The following PSD3 variants were observed in gnomAD, a reference collection of about 807,000 sequenced individuals.
PSD3 encodes pleckstrin and Sec7 domain containing 3.
PSD3 carries 49 observed loss-of-function variants against 105.5 expected under a neutral mutation model. The observed-to-expected ratio is 0.46, with a 90% CI of 0.37 to 0.59. The LOEUF is 0.59. Among genes scored for constraint, PSD3 ranks in the 20% least tolerant of loss-of-function variants. The pLI, the probability that PSD3 is intolerant of heterozygous loss-of-function variation, is 0.00. For synonymous variants in PSD3, 557 were observed against 457.8 expected, an observed-to-expected ratio of 1.22 and a Z score of -2.77; for missense variants, 1,561 against 1,263.8, an observed-to-expected ratio of 1.24 and a Z score of -3.57.
At chr8:19,068,479 C>T (rs1258951554) in intron 1 of PSD3, among the ~76,000 whole-genome samples, 2 of 152,022 alleles carry the variant, frequency 1.3e-5, no homozygotes, top group Non-Finnish European at 1.5e-5. Flanking sequence ...TTTGTAGAGA[C>T]AAGGTTTCAC....
At chr8:18,907,515 G>A (rs1314086206) in intron 2 of PSD3, among the ~76,000 whole-genome samples, 1 of 152,050 alleles carries the variant, frequency 6.6e-6, no homozygotes, top group Non-Finnish European at 1.5e-5. Context: ...CCTTTTAAAT[G>A]TTTAGATATG....
At chr8:18,825,337 C>A (rs2129449832) in intron 4 of PSD3, among the ~76,000 whole-genome samples, 1 of 152,286 alleles carries the variant, frequency 6.6e-6, no homozygotes, top group Admixed American at 6.5e-5. Flanking sequence ...GTAAGAGTCA[C>A]CTGGGAAGCT....
chr8:19,084,391 C>G (rs571302431), exon 1 of PSD3: 1 of 456,254 alleles, frequency 2.2e-6, no homozygotes, highest in Admixed American at 2.3e-5. Context: ...CCATCTGCAG[C>G]GTGGACCAGG....
At chr8:18,695,702 T>C (rs1328278675) in intron 9 of PSD3, among the ~76,000 whole-genome samples, 1 of 152,330 alleles carries the variant, frequency 6.6e-6, no homozygotes, top group South Asian at 2.1e-4. Flanking sequence ...TATATACACA[T>C]ACCAGAAAAT....
chr8:18,675,357 AAGG>A (rs1247794729), intron 9 of PSD3, among the ~76,000 whole-genome samples: 1 of 152,212 alleles, frequency 6.6e-6, no homozygotes, highest in Non-Finnish European at 1.5e-5. Flanking sequence ...TGAGTGCAAG[AAGG>A]AGATTAGACT....
At chr8:19,009,954 A>C (rs895836378) in intron 1 of PSD3, among the ~76,000 whole-genome samples, 1 of 152,166 alleles carries the variant, frequency 6.6e-6, no homozygotes, top group African/African-American at 2.4e-5. Flanking sequence ...TTCTCAGAAG[A>C]CCCGTGTGAA....
intron 1 of PSD3, among the ~76,000 whole-genome samples, chr8:18,995,321 A>C (rs1388615436): frequency 6.6e-6 from 1 of 152,092 alleles, no homozygotes; most frequent in Non-Finnish European, 1.5e-5. Flanking sequence ...CTATCTAATT[A>C]CTAAACAAAA....
intron 9 of PSD3, among the ~76,000 whole-genome samples, chr8:18,731,084 T>C (rs1248324927): frequency 2.0e-5 from 3 of 146,740 alleles, no homozygotes; most frequent in African/African-American, 7.5e-5. Context: ...GGTAAAACCC[T>C]GTCTCTAATA....
chr8:18,754,644 T>C (rs1168248145), intron 9 of PSD3, among the ~76,000 whole-genome samples: 1 of 152,068 alleles, frequency 6.6e-6, no homozygotes, highest in Non-Finnish European at 1.5e-5. Flanking sequence ...AAAAACAGGA[T>C]CTAAATACAG....
intron 9 of PSD3, among the ~76,000 whole-genome samples, chr8:18,672,008 G>A (rs936342707): frequency 2.6e-5 from 4 of 152,144 alleles, no homozygotes; most frequent in African/African-American, 4.8e-5. Flanking sequence ...GTCTAGTTTA[G>A]ACAGCTAAAC....
intron 11 of PSD3, among the ~76,000 whole-genome samples, chr8:18,630,590 G>T (rs561917553): frequency 7.2e-5 from 11 of 152,058 alleles, no homozygotes; most frequent in Admixed American, 6.6e-4. Flanking sequence ...CTAGCAGGAA[G>T]TAGTAAATAC....
intron 8 of PSD3, among the ~76,000 whole-genome samples, chr8:18,771,681 T>G (rs1228779960): frequency 1.3e-5 from 2 of 152,232 alleles, no homozygotes; most frequent in Non-Finnish European, 2.9e-5. Flanking sequence ...AGACACTTGA[T>G]TATACTGCAA....
At chr8:18,869,641 C>T (rs528653381) in intron 3 of PSD3, among the ~76,000 whole-genome samples, 1 of 152,214 alleles carries the variant, frequency 6.6e-6, no homozygotes, top group Non-Finnish European at 1.5e-5. Flanking sequence ...CTTCCTACCC[C>T]TTCTCTGGCT....
At chr8:18,978,923 A>G (rs1825100317) in intron 1 of PSD3, among the ~76,000 whole-genome samples, 1 of 152,054 alleles carries the variant, frequency 6.6e-6, no homozygotes, top group African/African-American at 2.4e-5. Flanking sequence ...CCACAACCAC[A>G]GAAGAGCTTC....
intron 8 of PSD3, among the ~76,000 whole-genome samples, chr8:18,790,704 G>A (rs900336937): frequency 7.9e-5 from 12 of 151,682 alleles, no homozygotes; most frequent in East Asian, 3.9e-4. Flanking sequence ...GAAAATGAAC[G>A]CCAGGCCCCA....
intron 7 of PSD3, 176 bp downstream of exon 7, chr8:18,801,092 ACT>A (rs1283163053): frequency 2.3e-6 from 1 of 437,354 alleles, no homozygotes; most frequent in African/African-American, 2.1e-5. Context: ...TAAAAACAAA[ACT>A]CTAATTCCAA....
chr8:18,850,996 G>A (rs576475485), intron 4 of PSD3, among the ~76,000 whole-genome samples: 2 of 152,260 alleles, frequency 1.3e-5, no homozygotes, highest in East Asian at 1.9e-4. Flanking sequence ...CCACAAAAGC[G>A]AGACAAAGTG....
intron 11 of PSD3, among the ~76,000 whole-genome samples, chr8:18,601,707 C>G (rs1003433603): frequency 6.6e-6 from 1 of 152,148 alleles, no homozygotes; most frequent in Non-Finnish European, 1.5e-5. Context: ...AAAAGCATAC[C>G]ATTATTTCCG....
chr8:18,784,576 A>G (rs1302525679), intron 8 of PSD3, among the ~76,000 whole-genome samples: 2 of 152,210 alleles, frequency 1.3e-5, no homozygotes, highest in Admixed American at 6.5e-5. Flanking sequence ...ACTTCTGACC[A>G]ATCAGCTATA....
Sources: allele counts gnomAD v4.1 joint callset (sites outside exome capture counted in the v4.1 genomes callset), GRCh38; gene constraint gnomAD v4.1.1; transcripts MANE v1.5; gene names NCBI Gene and HGNC (gene_info 2026-07-23, HGNC 2026-07-21).